APP: variants seen among roughly 807,000 people sequenced by gnomAD.
APP encodes the protein amyloid beta precursor protein.
A neutral mutation model predicts 101.4 loss-of-function variants in APP; 31 were observed. The ratio of observed to expected loss-of-function variants is 0.31; its 90% confidence interval spans 0.23 to 0.41. The LOEUF is 0.41. Among genes scored for constraint, APP ranks in the 10% least tolerant of loss-of-function variants. APP has a pLI of 1.00. For synonymous variants in APP, 366 were observed against 364.4 expected, an observed-to-expected ratio of 1.00 and a Z score of -0.05; for missense variants, 839 against 1,003.7, an observed-to-expected ratio of 0.84 and a Z score of 2.22.
chr21:25,881,528 T>C lies in APP; in HGVS notation c.*142A>G. ...ATTCAAGTTCAGGCATCTACTTGTG[T>C]TACAGCACAGCTGTCAAAAGGCGAT... On this transcript the variant is annotated 3_prime_UTR_variant, in exon 18 of 18. Transcript: ENST00000346798. 1 of 894,530 alleles carries C rather than the reference T, an allele frequency of 1.1e-6. No homozygotes were observed. The highest frequency in any genetic ancestry group is 1.4e-5 in the South Asian group (1 of 73,262). 55.4% of individuals were successfully genotyped at this position (894,530 alleles called of 1,614,324 possible).
At chr21:25,884,151 C>T (rs1876062) in intron 17 of APP, among the ~76,000 whole-genome samples, 88,979 of 152,126 alleles carry the variant, frequency 0.58, 26,663 homozygotes, top group African/African-American at 0.73. Context: ...AGCACTAGGA[C>T]TACAGGCATG....
intron 3 of APP, among the ~76,000 whole-genome samples, chr21:26,079,846 G>A (rs150491869): frequency 9.2e-5 from 14 of 152,272 alleles, no homozygotes; most frequent in East Asian, 1.9e-4. Flanking sequence ...TATCTAGGCC[G>A]GGAATGGTGG....
intron 6 of APP, 51 bp from the exon 7 acceptor site, chr21:26,000,233 T>C: frequency 1.2e-6 from 2 of 1,605,246 alleles, no homozygotes; most frequent in Non-Finnish European, 8.5e-7. Context: ...AGGCACTGTC[T>C]CTCTGTTCAT....
intron 3 of APP, among the ~76,000 whole-genome samples, chr21:26,071,868 G>A (rs1392220077): frequency 1.3e-5 from 2 of 152,162 alleles, no homozygotes; most frequent in East Asian, 3.9e-4. Flanking sequence ...AATAAAGTGT[G>A]TACTCAAGGT....
At chr21:26,028,018 A>C (rs2044656868) in intron 5 of APP, among the ~76,000 whole-genome samples, 1 of 151,972 alleles carries the variant, frequency 6.6e-6, no homozygotes, top group South Asian at 2.1e-4. Context: ...AACATAGTGA[A>C]ATTCCGTCTC....
intron 1 of APP, among the ~76,000 whole-genome samples, chr21:26,127,294 C>T (rs1029516528): frequency 6.6e-6 from 1 of 152,056 alleles, no homozygotes; most frequent in African/African-American, 2.4e-5. Context: ...CCAAGCAAGC[C>T]AGTCAGAATC....
intron 5 of APP, among the ~76,000 whole-genome samples, chr21:26,043,928 T>G (rs2045490797): frequency 6.6e-6 from 1 of 152,228 alleles, no homozygotes; most frequent in Admixed American, 6.5e-5. Flanking sequence ...AGATATGGTA[T>G]GAACCTCGAT....
At chr21:25,969,886 GAGA>G (rs1393656627) in intron 11 of APP, among the ~76,000 whole-genome samples, 1 of 108,786 alleles carries the variant, frequency 9.2e-6, no homozygotes, top group Non-Finnish European at 1.9e-5. Flanking sequence ...GAAAAGAAAA[GAGA>G]AGATTAGAGA....
intron 7 of APP, among the ~76,000 whole-genome samples, chr21:25,998,356 T>C (rs993805377): frequency 2.7e-5 from 4 of 149,530 alleles, no homozygotes; most frequent in South Asian, 4.2e-4. Context: ...GGGAGTCCTT[T>C]GAGCCAGAAG....
intron 2 of APP, among the ~76,000 whole-genome samples, chr21:26,109,920 C>G (rs182453497): frequency 1.3e-5 from 2 of 152,240 alleles, no homozygotes. Context: ...ACTCAGAATA[C>G]ATAGTCTGTA....
At position 26,061,508 on chromosome 21, in the gene APP, A is replaced by C. The variant is rs186190412; in HGVS notation, c.356-8160T>G. On this transcript the variant is annotated intron_variant, in intron 3 of 17. Coordinates refer to ENST00000346798, the MANE Select transcript of APP (RefSeq NM_000484.4). ...AATAGGCTGGGAAAATTTTCCTGGG[A>C]GGCATCTGTACTCAAGAGACGGGAC... 3.1e-3 allele frequency among the ~76,000 whole-genome samples: 471 copies of C among 152,270 alleles called. 2 individuals carry two copies. The highest frequency in any genetic ancestry group is 0.011 in the African/African-American group (444 of 41,544).
intron 5 of APP, among the ~76,000 whole-genome samples, chr21:26,032,801 A>ATATAT (rs1555851810): frequency 3.1e-5 from 4 of 128,288 alleles, no homozygotes; most frequent in African/African-American, 1.2e-4. Context: ...TTAGAAAAAA[A>ATATAT]AAAAATATAT....
chr21:26,136,504 G>C (rs2062921361), intron 1 of APP, among the ~76,000 whole-genome samples: 1 of 152,104 alleles, frequency 6.6e-6, no homozygotes, highest in Non-Finnish European at 1.5e-5. Flanking sequence ...ACTGAAATTT[G>C]AGGTATAAGA....
intron 13 of APP, among the ~76,000 whole-genome samples, chr21:25,948,730 CT>C (rs1308587494): frequency 6.6e-6 from 1 of 152,174 alleles, no homozygotes; most frequent in Non-Finnish European, 1.5e-5. Flanking sequence ...GAGAAGCACA[CT>C]TTGATAAATA....
intron 17 of APP, among the ~76,000 whole-genome samples, chr21:25,886,363 A>T (rs1308548709): frequency 6.6e-6 from 1 of 151,794 alleles, no homozygotes; most frequent in Non-Finnish European, 1.5e-5. Context: ...GCAATTCTTC[A>T]GGCAGGTTCA....
intron 17 of APP, among the ~76,000 whole-genome samples, chr21:25,885,513 G>A: frequency 6.6e-6 from 1 of 152,188 alleles, no homozygotes; most frequent in South Asian, 2.1e-4. Flanking sequence ...CTGGGATGAA[G>A]ACACACATAC....
At chr21:26,127,488 T>G (rs78987304) in intron 1 of APP, among the ~76,000 whole-genome samples, 7,744 of 152,224 alleles carry the variant, frequency 0.051, 303 homozygotes, top group South Asian at 0.096. Context: ...ACTAAAAAAA[T>G]TATTGCTAGA....
intron 14 of APP, 27 bp downstream of exon 14, chr21:25,911,714 G>A (rs201646516): frequency 1.4e-5 from 22 of 1,597,024 alleles, no homozygotes; most frequent in South Asian, 2.2e-5. Context: ...CTCCCAGAAC[G>A]CCCTTGCTGG....
chr21:26,044,834 C>T (rs1055404875), intron 5 of APP, among the ~76,000 whole-genome samples: 7 of 152,150 alleles, frequency 4.6e-5, no homozygotes, highest in Non-Finnish European at 8.8e-5. Flanking sequence ...CTACTGCGCC[C>T]GGCTGAGCAA....
Sources: gnomAD v4.1 joint callset for allele counts (sites outside exome capture counted in the v4.1 genomes callset) on GRCh38, gnomAD v4.1.1 for gene constraint, MANE v1.5 for transcripts, NCBI Gene and HGNC (gene_info 2026-07-23, HGNC 2026-07-21) for gene names.